ANKS1B: variants seen among roughly 807,000 people sequenced by gnomAD.
ANKS1B encodes ankyrin repeat and sterile alpha motif domain-containing protein 1B.
In ANKS1B, 36 loss-of-function variants were observed where a neutral mutation model predicts 148.3. That is an observed-to-expected ratio of 0.24 (90% CI 0.19 to 0.32). The LOEUF (loss-of-function observed/expected upper bound fraction) is 0.32. ANKS1B is among the 10% of genes least tolerant of loss of function. The pLI, the probability that ANKS1B is intolerant of heterozygous loss-of-function variation, is 1.00. For synonymous variants in ANKS1B, 542 were observed against 560.8 expected (o/e 0.97, Z 0.47); for missense variants, 1,157 against 1,542.6 (o/e 0.75, Z 4.19).
At chr12:99,009,220 C>T (rs760967569) in intron 17 of ANKS1B, among the ~76,000 whole-genome samples, 1 of 152,210 alleles carries the variant, frequency 6.6e-6, no homozygotes, top group Non-Finnish European at 1.5e-5. Flanking sequence ...TTATCTAGGC[C>T]TCTAGATCAC....
At chr12:99,582,812 T>C (rs1299723803) in intron 9 of ANKS1B, among the ~76,000 whole-genome samples, 1 of 152,104 alleles carries the variant, frequency 6.6e-6, no homozygotes, top group Non-Finnish European at 1.5e-5. Context: ...AATTCATGAA[T>C]TTCATTGTAT....
intron 17 of ANKS1B, among the ~76,000 whole-genome samples, chr12:98,865,827 G>A (rs142532851): frequency 3.3e-5 from 5 of 152,204 alleles, no homozygotes; most frequent in African/African-American, 7.2e-5. Flanking sequence ...CATTTGGGCT[G>A]CTATAACAAA....
intron 22 of ANKS1B, among the ~76,000 whole-genome samples, chr12:98,791,054 T>G (rs2098844347): frequency 6.6e-6 from 1 of 152,124 alleles, no homozygotes; most frequent in South Asian, 2.1e-4. Context: ...AAGAAAACAT[T>G]CACAATGAGA....
chr12:99,890,447 G>T (rs2153747112), intron 1 of ANKS1B, among the ~76,000 whole-genome samples: 1 of 152,238 alleles, frequency 6.6e-6, no homozygotes, highest in Non-Finnish European at 1.5e-5. Context: ...AGACAGGACT[G>T]CAACATCAAC....
At chr12:99,154,671 C>T (rs185848458) in intron 14 of ANKS1B, 89 of 1,437,938 alleles carry the variant, frequency 6.2e-5, no homozygotes, top group Non-Finnish European at 8.0e-5. Flanking sequence ...TCATACAGCC[C>T]CCAAAACCAG....
chr12:99,149,175 AT>A (rs1168953673), intron 15 of ANKS1B, among the ~76,000 whole-genome samples: 1 of 152,108 alleles, frequency 6.6e-6, no homozygotes, highest in African/African-American at 2.4e-5. Flanking sequence ...TTAAAAGGTC[AT>A]TTTTTCAGGC....
At chr12:99,535,678 C>T (rs920395527) in intron 9 of ANKS1B, among the ~76,000 whole-genome samples, 2 of 152,062 alleles carry the variant, frequency 1.3e-5, no homozygotes, top group Admixed American at 6.6e-5. Flanking sequence ...TTTGAACATG[C>T]CTTACCTCAC....
chr12:99,822,518 C>G (rs2082641228), intron 2 of ANKS1B, among the ~76,000 whole-genome samples: 1 of 152,150 alleles, frequency 6.6e-6, no homozygotes, highest in Non-Finnish European at 1.5e-5. Flanking sequence ...ATTAAGTTCC[C>G]ACTTATAAGT....
At chr12:99,604,807 C>A (rs2097839166) in intron 9 of ANKS1B, among the ~76,000 whole-genome samples, 1 of 129,986 alleles carries the variant, frequency 7.7e-6, no homozygotes. Flanking sequence ...AAGGGCAAAA[C>A]TCTATCTCAA....
chr12:99,775,803 A>G, intron 6 of ANKS1B, 142 bp from the exon 7 acceptor site: 1 of 469,160 alleles, frequency 2.1e-6, no homozygotes, highest in Non-Finnish European at 3.8e-6. Flanking sequence ...AAGAACTTCA[A>G]AAAACCAAAC....
At chr12:99,958,619 A>C (rs1234255290) in intron 1 of ANKS1B, among the ~76,000 whole-genome samples, 1 of 152,194 alleles carries the variant, frequency 6.6e-6, no homozygotes, top group East Asian at 1.9e-4. Flanking sequence ...TCCTGAGCTC[A>C]AACAATCCAC....
Position 99,343,431 on chromosome 12 carries a change from T to C in ANKS1B, c.1756+56200A>G, listed in dbSNP as rs537375842. On this transcript the variant is annotated intron_variant, in intron 12 of 26. Coordinates refer to ENST00000683438, the MANE Select transcript of ANKS1B (RefSeq NM_001352186.2). ...TTTAATATTACTTTTCTTTATCTCA[T>C]TGCCTTCTCTCCCAGGTCAATGGAC... is the stretch of plus-strand genomic sequence containing the variant. 7.9e-5 allele frequency among the ~76,000 whole-genome samples: 12 copies of C among 152,224 alleles called. No individual in the cohort carries two copies. In the South Asian group the frequency reaches 2.5e-3, roughly 32 times the overall value.
chr12:99,451,786 C>CGTGTGTGTGTGTGTGTGT (rs147892225), intron 10 of ANKS1B, among the ~76,000 whole-genome samples: 2 of 150,428 alleles, frequency 1.3e-5, no homozygotes, highest in African/African-American at 4.9e-5. Context: ...TGTACAGATA[C>CGTGTGTGTGTGTGTGTGT]GTGTGTGTGT....
chr12:99,791,382 C>A (rs1306339901), intron 4 of ANKS1B, among the ~76,000 whole-genome samples: 1 of 151,900 alleles, frequency 6.6e-6, no homozygotes, highest in Non-Finnish European at 1.5e-5. Context: ...GACAGAAAAT[C>A]AACAGATAAA....
intron 1 of ANKS1B, among the ~76,000 whole-genome samples, chr12:99,971,606 CAA>C (rs200612388): frequency 1.6e-4 from 18 of 109,116 alleles, no homozygotes; most frequent in Non-Finnish European, 1.5e-4. Flanking sequence ...TAATTCAGGC[CAA>C]AAAAAAAAAA....
intron 9 of ANKS1B, among the ~76,000 whole-genome samples, chr12:99,561,892 T>C (rs1182333577): frequency 6.6e-6 from 1 of 152,228 alleles, no homozygotes; most frequent in African/African-American, 2.4e-5. Context: ...AAATCCTTTC[T>C]AGAAGGTTTT....
At chr12:99,855,325 T>A (rs2088822762) in intron 1 of ANKS1B, among the ~76,000 whole-genome samples, 1 of 152,076 alleles carries the variant, frequency 6.6e-6, no homozygotes, top group African/African-American at 2.4e-5. Context: ...AGGGACATTA[T>A]ATATTGATAA....
intron 9 of ANKS1B, among the ~76,000 whole-genome samples, chr12:99,649,127 T>C (rs2098401357): frequency 6.6e-6 from 1 of 152,222 alleles, no homozygotes; most frequent in Non-Finnish European, 1.5e-5. Flanking sequence ...CAGGCTGATA[T>C]GTTGTAGGAC....
intron 26 of ANKS1B, among the ~76,000 whole-genome samples, chr12:98,746,179 AG>A (rs993459805): frequency 6.6e-6 from 1 of 152,114 alleles, no homozygotes; most frequent in Admixed American, 6.5e-5. Flanking sequence ...CTTGGGAGCC[AG>A]GGGGGCTTCC....
Sources: gnomAD v4.1 joint callset for allele counts (sites outside exome capture counted in the v4.1 genomes callset) on GRCh38, gnomAD v4.1.1 for gene constraint, MANE v1.5 for transcripts, NCBI Gene and HGNC (gene_info 2026-07-23, HGNC 2026-07-21) for gene names.